ZCWPW2: variants seen among roughly 807,000 people sequenced by gnomAD.
The protein encoded by ZCWPW2 is zinc finger CW-type and PWWP domain containing 2, also known as zinc finger CW-type PWWP domain protein 2.
In ZCWPW2, 45 loss-of-function variants were observed where a neutral mutation model predicts 46.6. The observed-to-expected ratio is 0.96, with a 90% CI of 0.76 to 1.24. ZCWPW2 has a LOEUF of 1.24. ZCWPW2 is among the 50% of genes most tolerant of loss of function. The pLI, the probability that ZCWPW2 is intolerant of heterozygous loss-of-function variation, is 0.00. For synonymous variants in ZCWPW2, 152 were observed against 137.1 expected, an observed-to-expected ratio of 1.11 and a Z score of -0.76; for missense variants, 429 against 403.9, an observed-to-expected ratio of 1.06 and a Z score of -0.53.
chr3:28,369,878 C>T (rs1048973585), intron 1 of ZCWPW2, among the ~76,000 whole-genome samples: 2 of 152,152 alleles, frequency 1.3e-5, no homozygotes, highest in African/African-American at 2.4e-5. Context: ...CCCCCAGCCT[C>T]GCTGCCACCT....
chr3:28,472,230 A>G (rs1208805162), intron 4 of ZCWPW2, among the ~76,000 whole-genome samples: 1 of 152,184 alleles, frequency 6.6e-6, no homozygotes. Context: ...AAGAGTCCCA[A>G]TATTTATATG....
intron 7 of ZCWPW2, 117 bp from the exon 8 acceptor site, chr3:28,515,437 T>G (rs1575229165): frequency 1.3e-6 from 1 of 775,232 alleles, no homozygotes; most frequent in African/African-American, 1.8e-5. Context: ...CCAAGAGAAT[T>G]ACCTTTAGAA....
At chr3:28,421,817 A>G (rs1332173658) in intron 3 of ZCWPW2, among the ~76,000 whole-genome samples, 1 of 147,228 alleles carries the variant, frequency 6.8e-6, no homozygotes, top group Non-Finnish European at 1.5e-5. Context: ...GTTGAGAACC[A>G]TATGTTGGAG....
At chr3:28,355,632 G>A (rs895805865) in intron 1 of ZCWPW2, among the ~76,000 whole-genome samples, 17 of 152,226 alleles carry the variant, frequency 1.1e-4, no homozygotes, top group African/African-American at 4.1e-4. Context: ...AAATAGCATG[G>A]TACTGGTACC....
intron 2 of ZCWPW2, chr3:28,398,316 C>T (rs1468941192): frequency 1.3e-5 from 2 of 152,174 alleles, no homozygotes; most frequent in East Asian, 3.8e-4. Flanking sequence ...ACCTAATTAC[C>T]TCCCAAAGTC....
chr3:28,513,378 G>T (rs1249604115), intron 6 of ZCWPW2, among the ~76,000 whole-genome samples: 1 of 152,140 alleles, frequency 6.6e-6, no homozygotes, highest in Non-Finnish European at 1.5e-5. Context: ...CTTTAATGGT[G>T]TAGACCTAGT....
intron 1 of ZCWPW2, among the ~76,000 whole-genome samples, chr3:28,352,190 G>A (rs1704580565): frequency 1.3e-5 from 2 of 148,914 alleles, no homozygotes; most frequent in African/African-American, 5.0e-5. Flanking sequence ...TGTATGCCTT[G>A]CAGTGCATGA....
chr3:28,521,598 ACTC>A (rs749585467), intron 9 of ZCWPW2, among the ~76,000 whole-genome samples: 1 of 151,984 alleles, frequency 6.6e-6, no homozygotes, highest in Non-Finnish European at 1.5e-5. Flanking sequence ...TTATATGTAG[ACTC>A]CTCCTTTTTT....
intron 5 of ZCWPW2, among the ~76,000 whole-genome samples, chr3:28,490,111 A>G (rs577478077): frequency 6.6e-6 from 1 of 152,314 alleles, no homozygotes; most frequent in African/African-American, 2.4e-5. Flanking sequence ...AATCAAAACC[A>G]TAATGAGATA....
intron 1 of ZCWPW2, among the ~76,000 whole-genome samples, chr3:28,387,831 C>T (rs1695332222): frequency 6.6e-6 from 1 of 152,076 alleles, no homozygotes; most frequent in South Asian, 2.1e-4. Context: ...CTTAGTAACA[C>T]CCAGAAGAGT....
rs1368695889 is a variant in ZCWPW2, at chr3:28,524,655, T to C, written c.1038T>C (p.Phe346=). The C allele has an allele frequency of 1.4e-5, 22 of 1,573,330 alleles. No homozygotes were observed. The highest frequency in any genetic ancestry group is 1.8e-5 in the Non-Finnish European group (21 of 1,159,628). The part of the protein sequence containing the change: ...GECIEDITNK[F]KEIDALMSEF ...GTATTGAGGATATAACTAATAAATT[T>C]AAAGAAATAGATGCTTTGATGTCTG... is the stretch of plus-strand genomic sequence containing the variant. Residue 346 remains phenylalanine, a synonymous_variant, in exon 10 of 10, where the codon TTT becomes TTC. Transcript: ENST00000383768.
At chr3:28,392,497 C>T (rs185839229) in intron 2 of ZCWPW2, among the ~76,000 whole-genome samples, 1 of 152,282 alleles carries the variant, frequency 6.6e-6, no homozygotes, top group East Asian at 1.9e-4. Flanking sequence ...TTCTATCCAA[C>T]AGTAGCACAA....
At chr3:28,515,107 A>G (rs2125834268) in intron 7 of ZCWPW2, among the ~76,000 whole-genome samples, 1 of 152,328 alleles carries the variant, frequency 6.6e-6, no homozygotes, top group African/African-American at 2.4e-5. Flanking sequence ...AGTACATTTG[A>G]GCAAACTTTT....
In ZCWPW2 at chr3:28,349,016, C is replaced by G. The variant is rs943038957; in HGVS notation, c.-321C>G. On this transcript the variant is annotated 5_prime_UTR_variant, in exon 1 of 10. Transcript: ENST00000383768. ...GCTGCCGCTGTCCGCGGGCTCGGCG[C>G]CAGGGACGCGCGAGGAAACCGGAAG... 1.0e-6 allele frequency: 1 copy of G among 985,920 alleles called. No individual in the cohort carries two copies. The allele number at this position is 985,920 out of a possible 1,614,324, so 61.1% of individuals were successfully genotyped here. A position where few individuals can be genotyped will look rare whatever the true frequency, so the allele number is the denominator to read the frequency against.
chr3:28,442,217 T>C (rs543263006), intron 4 of ZCWPW2, among the ~76,000 whole-genome samples: 1 of 152,358 alleles, frequency 6.6e-6, no homozygotes, highest in Admixed American at 6.5e-5. Context: ...TTAGGCATTG[T>C]GCCTCTTTCT....
chr3:28,459,128 T>A (rs1176743945), intron 4 of ZCWPW2, among the ~76,000 whole-genome samples: 2 of 152,266 alleles, frequency 1.3e-5, no homozygotes, highest in East Asian at 3.9e-4. Context: ...CCCAGCACTT[T>A]GGGAGGCCAT....
At chr3:28,514,939 C>A (rs1700523302) in intron 7 of ZCWPW2, among the ~76,000 whole-genome samples, 1 of 152,110 alleles carries the variant, frequency 6.6e-6, no homozygotes, top group Non-Finnish European at 1.5e-5. Flanking sequence ...AGATGAATAA[C>A]TAAATTTTAA....
intron 3 of ZCWPW2, among the ~76,000 whole-genome samples, chr3:28,417,614 C>A (rs1362864079): frequency 1.4e-4 from 21 of 145,750 alleles, no homozygotes; most frequent in African/African-American, 4.9e-4. Context: ...CAGAAATCCT[C>A]AATAAAATAC....
chr3:28,439,165 C>CATCATAGGATGTGTATATA (rs1697628295), intron 4 of ZCWPW2, among the ~76,000 whole-genome samples: 1 of 139,494 alleles, frequency 7.2e-6, no homozygotes, highest in Non-Finnish European at 1.6e-5. Context: ...ATATATATAC[C>CATCATAGGATGTGTATATA]TACATATAAA....
Sources: allele counts gnomAD v4.1 joint callset (sites outside exome capture counted in the v4.1 genomes callset), GRCh38; gene constraint gnomAD v4.1.1; transcripts MANE v1.5; gene names NCBI Gene and HGNC (gene_info 2026-07-23, HGNC 2026-07-21).